Variants in BNC2 observed in about 807,000 individuals in gnomAD.
BNC2 encodes zinc finger protein basonuclin-2.
A neutral mutation model predicts 76.3 loss-of-function variants in BNC2; 20 were observed. The observed-to-expected ratio is 0.26, with a 90% CI of 0.18 to 0.38. The LOEUF (loss-of-function observed/expected upper bound fraction) is 0.38, where lower values mean the gene tolerates loss of function less well. Ranked by LOEUF, BNC2 falls within the 10% of genes least tolerant of loss-of-function variation. The pLI is 1.00. For synonymous variants in BNC2, 582 were observed against 514.8 expected, an observed-to-expected ratio of 1.13 and a Z score of -1.77; for missense variants, 1,382 against 1,399.8, an observed-to-expected ratio of 0.99 and a Z score of 0.20.
At chr9:16,864,325 C>CAT (rs1205245735) in intron 1 of BNC2, among the ~76,000 whole-genome samples, 6 of 152,134 alleles carry the variant, frequency 3.9e-5, no homozygotes, top group African/African-American at 1.4e-4. Context: ...TAGATCCATT[C>CAT]ATATATATGA....
At chr9:16,866,558 G>C (rs961541431) in intron 1 of BNC2, among the ~76,000 whole-genome samples, 1 of 150,404 alleles carries the variant, frequency 6.6e-6, no homozygotes, top group African/African-American at 2.4e-5. Context: ...ATAGTATCTG[G>C]TTGCATTTTG....
chr9:16,865,109 G>A (rs547465553), intron 1 of BNC2, among the ~76,000 whole-genome samples: 1 of 150,190 alleles, frequency 6.7e-6, no homozygotes, highest in South Asian at 2.1e-4. Flanking sequence ...GTCATTATAA[G>A]AGAAAAATGT....
intron 3 of BNC2, among the ~76,000 whole-genome samples, chr9:16,586,176 G>C (rs373689666): frequency 1.3e-4 from 20 of 152,004 alleles, no homozygotes; most frequent in African/African-American, 4.8e-4. Flanking sequence ...CGAGTGCCCA[G>C]AAGAGGGTTG....
chr9:16,733,152 G>C (rs1369667280), intron 2 of BNC2, among the ~76,000 whole-genome samples: 1 of 152,178 alleles, frequency 6.6e-6, no homozygotes, highest in African/African-American at 2.4e-5. Flanking sequence ...CATTTTTCTT[G>C]AGAACAAAGT....
At chr9:16,768,726 T>G (rs73646243) in intron 1 of BNC2, among the ~76,000 whole-genome samples, 1 of 152,076 alleles carries the variant, frequency 6.6e-6, no homozygotes, top group African/African-American at 2.4e-5. Flanking sequence ...TTAGTCTAAT[T>G]GGAGAAACAG....
intron 3 of BNC2, among the ~76,000 whole-genome samples, chr9:16,667,109 G>GCACA (rs749469103): frequency 1.4e-5 from 2 of 144,442 alleles, no homozygotes; most frequent in East Asian, 4.0e-4. Flanking sequence ...ACACACACAC[G>GCACA]CACACACGCA....
chr9:16,577,226 A>C (rs1394738262), intron 4 of BNC2, among the ~76,000 whole-genome samples: 2 of 152,150 alleles, frequency 1.3e-5, no homozygotes, highest in Non-Finnish European at 2.9e-5. Context: ...TGATATTCAG[A>C]TTCAATCAAA....
chr9:16,436,434 G>C lies in BNC2; in HGVS notation c.1760C>G (p.Thr587Ser), dbSNP rs1405776484. 9 of 1,614,064 alleles carry C rather than the reference G, an allele frequency of 5.6e-6. No individual in the cohort carries two copies. The African/African-American group carries it at 6.7e-5, about 12-fold the overall frequency. ...LTPGEMVSPP[T>S]SLPTSPIIPT... The stretch of plus-strand genomic sequence containing the variant: ...AATGATGGGACTGGTTGGGAGGGAG[G>C]TTGGAGGACTCACCATTTCCCCTGG... Residue 587 changes from threonine to serine, a missense_variant, in exon 6 of 7, where the codon ACC becomes AGC. This residue lies in a region of BNC2 where 798 missense variants were observed against 775.5 expected (regional missense o/e 1.03). Coordinates refer to ENST00000380672, the MANE Select transcript of BNC2 (RefSeq NM_017637.6).
At chr9:16,735,396 T>TAAAAAAAAAAAAAA (rs879878699) in intron 2 of BNC2, among the ~76,000 whole-genome samples, 1 of 15,974 alleles carries the variant, frequency 6.3e-5, no homozygotes. Flanking sequence ...TAAATGAATT[T>TAAAAAAAAAAAAAA]AAAAAAAAAA....
intron 5 of BNC2, among the ~76,000 whole-genome samples, chr9:16,483,820 C>T (rs898549392): frequency 6.6e-6 from 1 of 152,144 alleles, no homozygotes; most frequent in African/African-American, 2.4e-5. Context: ...TTGAGAGCCA[C>T]CCATGGAAGA....
At chr9:16,459,473 A>C (rs1821527578) in intron 5 of BNC2, among the ~76,000 whole-genome samples, 1 of 152,164 alleles carries the variant, frequency 6.6e-6, no homozygotes, top group Admixed American at 6.5e-5. Flanking sequence ...TCTGGGCAAA[A>C]TGAAACATGG....
At chr9:16,602,558 T>C (rs1820272156) in intron 3 of BNC2, among the ~76,000 whole-genome samples, 2 of 152,184 alleles carry the variant, frequency 1.3e-5, no homozygotes, top group African/African-American at 2.4e-5. Context: ...TGGTGCCACA[T>C]ACCCCCTCAG....
chr9:16,850,486 G>A (rs1819103287), intron 1 of BNC2, among the ~76,000 whole-genome samples: 1 of 152,158 alleles, frequency 6.6e-6, no homozygotes. Flanking sequence ...TGCTACCATT[G>A]CTCAAAATAT....
chr9:16,482,391 T>C (rs1321544735), intron 5 of BNC2, among the ~76,000 whole-genome samples: 1 of 152,108 alleles, frequency 6.6e-6, no homozygotes. Flanking sequence ...GTCAACCCAA[T>C]AGTGTTGGGA....
chr9:16,433,614 C>A (rs1820947395), intron 6 of BNC2, among the ~76,000 whole-genome samples: 1 of 152,198 alleles, frequency 6.6e-6, no homozygotes, highest in African/African-American at 2.4e-5. Context: ...ACAAGCAGTA[C>A]CTCAACAGTG....
chr9:16,418,822 T>C lies in BNC2; in HGVS notation c.*167A>G. The stretch of plus-strand genomic sequence containing the variant: ...AAAAGCACCTAGTGTTTATCTTGTT[T>C]ATCTCAAGGAAATACGTGTGTGTAT... On this transcript the variant is annotated 3_prime_UTR_variant, in exon 7 of 7. Coordinates refer to ENST00000380672, the MANE Select transcript of BNC2 (RefSeq NM_017637.6). 1 of 764,374 alleles carries C rather than the reference T, an allele frequency of 1.3e-6. No homozygotes were observed. The highest frequency in any genetic ancestry group is 2.1e-6 in the Non-Finnish European group (1 of 466,666). 47.3% of individuals were successfully genotyped at this position (764,374 alleles called of 1,614,324 possible).
chr9:16,752,960 C>T (rs1210162573), intron 1 of BNC2, among the ~76,000 whole-genome samples: 1 of 152,178 alleles, frequency 6.6e-6, no homozygotes. Flanking sequence ...TTAAAACTTA[C>T]AGAACTGCAC....
chr9:16,838,475 C>T (rs56907311), intron 1 of BNC2, among the ~76,000 whole-genome samples: 2,465 of 152,178 alleles, frequency 0.016, 62 homozygotes, highest in African/African-American at 0.057. Context: ...GCAGGAGAAT[C>T]GCTTGAACCC....
rs1344400881 is a variant in BNC2 at position 16,416,148 on chromosome 9, T to A, written c.*2841A>T. 1.3e-5 allele frequency: 2 copies of A among 152,210 alleles called. No individual in the cohort carries two copies. Among genetic ancestry groups the A allele is most frequent in the Admixed American group, 1.3e-4 (2 of 15,274 alleles). The allele number at this position is 152,210 out of a possible 1,614,324, so 9.4% of individuals were successfully genotyped here. Reference sequence around the variant, plus strand: ...GGGCTATCTGACCTTTTATTTGACATTAAATTAAACAGACTAAACATTGCT... The same window carrying A: ...GGGCTATCTGACCTTTTATTTGACAATAAATTAAACAGACTAAACATTGCT... On this transcript the variant is annotated 3_prime_UTR_variant, in exon 7 of 7. Transcript: ENST00000380672.
Sources: allele counts gnomAD v4.1 joint callset (sites outside exome capture counted in the v4.1 genomes callset), GRCh38; gene constraint gnomAD v4.1.1; regional missense constraint gnomAD v4.1.1; transcripts MANE v1.5; gene names NCBI Gene and HGNC (gene_info 2026-07-23, HGNC 2026-07-21).